The following SHROOM2 variants were observed in gnomAD, a reference collection of about 807,000 sequenced individuals.
SHROOM2 encodes shroom family member 2.
Under a neutral mutation model 75.9 loss-of-function variants are expected in SHROOM2, and 33 were observed. The ratio of observed to expected loss-of-function variants is 0.43; its 90% confidence interval spans 0.33 to 0.58. The LOEUF (loss-of-function observed/expected upper bound fraction) is 0.58, where lower values mean the gene tolerates loss of function less well. Among genes scored for constraint, SHROOM2 ranks in the 20% least tolerant of loss-of-function variants. The probability of loss-of-function intolerance (pLI) is 0.04; values close to 1 mark genes in which losing one functional copy is unlikely to be tolerated. For synonymous variants in SHROOM2, 655 were observed against 663.6 expected, an observed-to-expected ratio of 0.99 and a Z score of 0.20; for missense variants, 1,434 against 1,461.2, an observed-to-expected ratio of 0.98 and a Z score of 0.30.
rs150369562 is a variant in SHROOM2 at position 9,937,400 on chromosome X, G to A, written c.3854G>A (p.Gly1285Asp). 2 of 1,207,435 alleles carry A rather than the reference G, an allele frequency of 1.7e-6. No individual in the cohort carries two copies. The highest frequency in any genetic ancestry group is 2.2e-6 in the Non-Finnish European group (2 of 893,684). Reference protein sequence around the residue: ...RAQPAEPQPLGTQVPPEKDRC... With the variant: ...RAQPAEPQPLDTQVPPEKDRC... ...CAGCCGGCTGAGCCCCAGCCCCTGG[G>A]CACCCAGGTGCCCCCCGAGAAAGAC... Residue 1285 changes from glycine (G) to aspartate (D), a missense_variant, in exon 7 of 10, where the codon GGC becomes GAC. Transcript: ENST00000380913.
At chrX:9,852,538 C>T (rs1276302650) in intron 1 of SHROOM2, among the ~76,000 whole-genome samples, 3 of 112,458 alleles carry the variant, frequency 2.7e-5, no homozygotes, top group East Asian at 5.6e-4. Flanking sequence ...GCCTTGGCCT[C>T]CCAAAGTGCT....
At chrX:9,832,289 A>G (rs1447973451) in intron 1 of SHROOM2, among the ~76,000 whole-genome samples, 1 of 111,070 alleles carries the variant, frequency 9.0e-6, no homozygotes, top group Non-Finnish European at 1.9e-5. Flanking sequence ...TGGTTCTGCT[A>G]TGGGAGGTAA....
intron 6 of SHROOM2, among the ~76,000 whole-genome samples, chrX:9,935,839 TTGGGGTTG>T (rs1476980890): frequency 9.0e-6 from 1 of 111,534 alleles, no homozygotes; most frequent in Non-Finnish European, 1.9e-5. Flanking sequence ...ACATCCTAAT[TTGGGGTTG>T]TGGAGTTTGG....
At chrX:9,791,263 C>T (rs1027015987) in intron 1 of SHROOM2, among the ~76,000 whole-genome samples, 1 of 111,546 alleles carries the variant, frequency 9.0e-6, no homozygotes, top group Non-Finnish European at 1.9e-5. Context: ...TCTTAATCTA[C>T]CTTTGTAATT....
intron 2 of SHROOM2, among the ~76,000 whole-genome samples, chrX:9,885,603 A>C (rs1569158264): frequency 9.0e-6 from 1 of 111,714 alleles, no homozygotes; most frequent in African/African-American, 3.3e-5. Flanking sequence ...AGATATCTTC[A>C]GTTAAAGCAG....
At chrX:9,804,807 A>T (rs1397002555) in intron 1 of SHROOM2, among the ~76,000 whole-genome samples, 1 of 111,584 alleles carries the variant, frequency 9.0e-6, no homozygotes, top group African/African-American at 3.3e-5. Flanking sequence ...GGAACGTTGT[A>T]GGAATGACTC....
chrX:9,865,800 T>C (rs1391390799), intron 1 of SHROOM2, among the ~76,000 whole-genome samples: 1 of 110,070 alleles, frequency 9.1e-6, no homozygotes, highest in Non-Finnish European at 1.9e-5. Flanking sequence ...GACCTCATGA[T>C]TCGCCCACCT....
rs1037638421 is a variant in SHROOM2, at chrX:9,891,781, T to G, written c.449+673T>G. Among the ~76,000 whole-genome samples, 3 of 111,140 alleles carry G rather than the reference T, an allele frequency of 2.7e-5. No individual in the cohort carries two copies. In the Admixed American group the frequency reaches 2.9e-4, roughly 11 times the overall value. ...GTGTCTGTTCGTGTGTGCCTGTATG[T>G]GTGCCTGTGCATCTCTTTGCTTGTA... On this transcript the variant is annotated intron_variant, in intron 3 of 9. Coordinates refer to ENST00000380913, the MANE Select transcript of SHROOM2 (RefSeq NM_001649.4).
At chrX:9,941,706 T>C (rs1364385706) in intron 8 of SHROOM2, among the ~76,000 whole-genome samples, 1 of 110,518 alleles carries the variant, frequency 9.0e-6, no homozygotes, top group African/African-American at 3.3e-5. Flanking sequence ...GCGCGGTGGC[T>C]CACGCTTGTA....
chrX:9,810,950 G>C (rs2083788543), intron 1 of SHROOM2, among the ~76,000 whole-genome samples: 1 of 105,764 alleles, frequency 9.5e-6, no homozygotes, highest in Admixed American at 9.7e-5. Context: ...CACTTCTTTA[G>C]CTATGAAATG....
At position 9,949,070 on chromosome X, in the gene SHROOM2, C is replaced by G; in HGVS notation, c.*2133C>G. On this transcript the variant is annotated 3_prime_UTR_variant, in exon 10 of 10. Transcript: ENST00000380913. ...CTTCTACACAGCAATACGTCGTGCT[C>G]GAGTATCCTTGTAGCAAAGCACATA... The G allele has an allele frequency of 4.7e-6, 1 of 214,015 alleles. No individual in the cohort carries two copies. The highest frequency in any genetic ancestry group is 2.8e-5 in the African/African-American group (1 of 35,129). 17.6% of individuals were successfully genotyped at this position (214,015 alleles called of 1,213,427 possible). A position where few individuals can be genotyped will look rare whatever the true frequency, so the allele number is the denominator to read the frequency against.
Position 9,891,090 on chromosome X carries a change from C to T in SHROOM2, c.431C>T (p.Ser144Phe), listed in dbSNP as rs755286823. Residue 144 changes from serine (S) to phenylalanine (F), a missense_variant, in exon 3 of 10, where the codon TCC becomes TTC. Ser to Phe is a radical substitution (Grantham distance 155, BLOSUM62 -2). Coordinates refer to ENST00000380913, the MANE Select transcript of SHROOM2 (RefSeq NM_001649.4). Reference sequence around the variant, plus strand: ...TCCACCAGCGGCTGTCCTTCCTGGTCCGGCCGACACCACGCGAGGTAGGCA... The same window carrying T: ...TCCACCAGCGGCTGTCCTTCCTGGTTCGGCCGACACCACGCGAGGTAGGCA... ...FTSTSGCPSW[S>F]GRHHASSSSH... 5 of 1,205,976 alleles carry T rather than the reference C, an allele frequency of 4.1e-6. No individual in the cohort carries two copies. The highest frequency in any genetic ancestry group is 5.6e-6 in the Non-Finnish European group (5 of 892,819).
At chrX:9,820,270 T>G in intron 1 of SHROOM2, among the ~76,000 whole-genome samples, 1 of 108,257 alleles carries the variant, frequency 9.2e-6, no homozygotes, top group Middle Eastern at 4.3e-3. Flanking sequence ...GAGGCTTCTG[T>G]AACTGGGTCT....
chrX:9,812,101 C>G (rs752636712), intron 1 of SHROOM2, among the ~76,000 whole-genome samples: 6 of 111,804 alleles, frequency 5.4e-5, no homozygotes, highest in East Asian at 2.8e-4. Context: ...CTGCCAAAGC[C>G]CAGTAACAGG....
Position 9,827,637 on chromosome X carries a change from G to A in SHROOM2, c.165+40927G>A, listed in dbSNP as rs1406326808. Among the ~76,000 whole-genome samples the A allele has an allele frequency of 5.5e-5, 6 of 109,021 alleles. No individual in the cohort carries two copies. In the South Asian group the frequency reaches 1.6e-3, roughly 30 times the overall value. The allele number at this position is 109,021 out of a possible 115,157, so 94.7% of individuals were successfully genotyped here. On this transcript the variant is annotated intron_variant, in intron 1 of 9. Transcript: ENST00000380913. ...TGTAGTCTGTGCTGAGGCTGGGGCC[G>A]AGGGATTTTCAAGCAGAAGGAGCTC...
At chrX:9,927,974 T>G (rs769383359) in intron 5 of SHROOM2, among the ~76,000 whole-genome samples, 11 of 111,335 alleles carry the variant, frequency 9.9e-5, no homozygotes, top group African/African-American at 3.6e-4. Context: ...AAAAATAGAG[T>G]AATGCCAGCA....
intron 1 of SHROOM2, among the ~76,000 whole-genome samples, chrX:9,812,151 A>C (rs2083794908): frequency 1.8e-5 from 2 of 111,912 alleles, no homozygotes; most frequent in Non-Finnish European, 3.8e-5. Context: ...TTGTCTGCAG[A>C]AGATGGCAGG....
chrX:9,892,248 G>A (rs762565850), intron 3 of SHROOM2, among the ~76,000 whole-genome samples: 24 of 94,248 alleles, frequency 2.5e-4, no homozygotes, highest in Admixed American at 7.2e-4. Flanking sequence ...GCAAGACCTC[G>A]TCTCTTAAAA....
At chrX:9,891,560 G>T (rs2084292263) in intron 3 of SHROOM2, among the ~76,000 whole-genome samples, 1 of 112,468 alleles carries the variant, frequency 8.9e-6, no homozygotes, top group African/African-American at 3.2e-5. Context: ...ATCCTCACTA[G>T]TCTCCTGTTA....
Sources: gnomAD v4.1 joint callset for allele counts (sites outside exome capture counted in the v4.1 genomes callset) on GRCh38, gnomAD v4.1.1 for gene constraint, MANE v1.5 for transcripts, NCBI Gene and HGNC (gene_info 2026-07-23, HGNC 2026-07-21) for gene names.